Variants in ATXN10 observed in about 807,000 individuals in gnomAD.
ATXN10 encodes the protein ataxin-10.
ATXN10 carries 28 observed loss-of-function variants against 52.9 expected under a neutral mutation model. The observed-to-expected ratio is 0.53, with a 90% CI of 0.39 to 0.73. The LOEUF (loss-of-function observed/expected upper bound fraction) is 0.73, where lower values mean the gene tolerates loss of function less well. Ranked by LOEUF, ATXN10 falls within the 30% of genes least tolerant of loss-of-function variation. ATXN10 has a pLI of 0.00. For synonymous variants in ATXN10, 226 were observed against 221.5 expected (o/e 1.02, Z -0.18); for missense variants, 565 against 577.0 (o/e 0.98, Z 0.21).
Position 45,833,734 on chromosome 22 carries a change from C to T in ATXN10, c.1238-9257C>T, listed in dbSNP as rs924208029. ...GTATTTCATGTATCACAAAACCTAC[C>T]GTTCCTTGTACTGGTTTGTAGGCAT... On this transcript the variant is annotated intron_variant, in intron 10 of 11. Coordinates refer to ENST00000252934, the MANE Select transcript of ATXN10 (RefSeq NM_013236.4). This position sits in a 1 kb window ranked among gnomAD's most constrained non-coding sequence, Gnocchi z 4.3. Among the ~76,000 whole-genome samples, 3 of 152,142 alleles carry T rather than the reference C, an allele frequency of 2.0e-5. No individual in the cohort carries two copies. Among genetic ancestry groups the T allele is most frequent in the African/African-American group, 4.8e-5 (2 of 41,424 alleles).
At chr22:45,778,190 T>C (rs773003330) in intron 9 of ATXN10, among the ~76,000 whole-genome samples, 1 of 152,246 alleles carries the variant, frequency 6.6e-6, no homozygotes, top group Non-Finnish European at 1.5e-5. Context: ...AGCTGTGTTA[T>C]GCAATAGCTG....
intron 7 of ATXN10, among the ~76,000 whole-genome samples, chr22:45,736,056 T>C (rs1925282799): frequency 6.6e-6 from 1 of 152,138 alleles, no homozygotes; most frequent in Non-Finnish European, 1.5e-5. Context: ...TTCTTTTAGG[T>C]TTATTTTAGT....
At position 45,763,541 on chromosome 22, in the gene ATXN10, G is replaced by A. The variant is rs1380322316; in HGVS notation, c.1173+23003G>A. Among the ~76,000 whole-genome samples the A allele has an allele frequency of 6.6e-6, 1 of 152,106 alleles. No homozygotes were observed. On this transcript the variant is annotated intron_variant, in intron 9 of 11. Transcript: ENST00000252934. This position sits in a 1 kb window ranked among gnomAD's most constrained non-coding sequence, Gnocchi z 6.9. ...TCAGGTGTTTGCTCATCTCCTCACA[G>A]GTCTTTCCTGCCCCCTACCTGTTAA...
chr22:45,763,571 C>T lies in ATXN10; in HGVS notation c.1173+23033C>T, dbSNP rs765885121. Among the ~76,000 whole-genome samples the T allele has an allele frequency of 1.3e-5, 2 of 152,128 alleles. No homozygotes were observed. The highest frequency in any genetic ancestry group is 2.4e-5 in the African/African-American group (1 of 41,414). On this transcript the variant is annotated intron_variant, in intron 9 of 11. Transcript: ENST00000252934. The surrounding 1 kb of genome is among the most constrained non-coding windows in gnomAD (Gnocchi z 6.9). Reference sequence around the variant, plus strand: ...TTCCTGCCCCCTACCTGTTAAAAGTCGGACCCCACCACGCCCCCCACCTCT... The same window carrying T: ...TTCCTGCCCCCTACCTGTTAAAAGTTGGACCCCACCACGCCCCCCACCTCT...
In ATXN10 at chr22:45,683,254, G is replaced by T. The variant is rs922547456; in HGVS notation, c.117-6458G>T. Among the ~76,000 whole-genome samples the T allele has an allele frequency of 2.0e-5, 3 of 152,322 alleles. No individual in the cohort carries two copies. Among genetic ancestry groups the T allele is most frequent in the Non-Finnish European group, 4.4e-5 (3 of 68,022 alleles). Reference sequence around the variant, plus strand: ...GAATTGCTTGAACTTGGGAGGCGGGGGTTGCAGTGAGCTGAGATCCTGCCT... The same window carrying T: ...GAATTGCTTGAACTTGGGAGGCGGGTGTTGCAGTGAGCTGAGATCCTGCCT... On this transcript the variant is annotated intron_variant, in intron 1 of 11. Coordinates refer to ENST00000252934, the MANE Select transcript of ATXN10 (RefSeq NM_013236.4). This position sits in a 1 kb window ranked among gnomAD's most constrained non-coding sequence, Gnocchi z 4.8.
At chr22:45,806,502 C>G (rs1239630491) in intron 9 of ATXN10, among the ~76,000 whole-genome samples, 2 of 152,110 alleles carry the variant, frequency 1.3e-5, no homozygotes, top group East Asian at 1.9e-4. Flanking sequence ...TTCTCATTTG[C>G]CTTGAAAAAC....
In ATXN10 at chr22:45,749,822, T is replaced by C. The variant is rs73889603; in HGVS notation, c.1173+9284T>C. The stretch of plus-strand genomic sequence containing the variant: ...CTCAGGCAGTCCTCCTTCCTTGACC[T>C]CCCAAAGTGCTCGGATTACAGGTTT... On this transcript the variant is annotated intron_variant, in intron 9 of 11. Coordinates refer to ENST00000252934, the MANE Select transcript of ATXN10 (RefSeq NM_013236.4). 9.0e-3 allele frequency among the ~76,000 whole-genome samples: 1,371 copies of C among 152,220 alleles called. 30 individuals are homozygous for C. Among genetic ancestry groups the C allele is most frequent in the African/African-American group, 0.032 (1,317 of 41,550 alleles).
At chr22:45,692,398 C>T (rs1405180293) in intron 2 of ATXN10, among the ~76,000 whole-genome samples, 1 of 151,848 alleles carries the variant, frequency 6.6e-6, no homozygotes, top group African/African-American at 2.4e-5. Flanking sequence ...AATTTTTCTG[C>T]CTCTTCCCTT....
At chr22:45,827,835 G>A (rs748192220) in intron 10 of ATXN10, among the ~76,000 whole-genome samples, 1 of 152,172 alleles carries the variant, frequency 6.6e-6, no homozygotes, top group Non-Finnish European at 1.5e-5. Flanking sequence ...TTCTTCTCAA[G>A]TGCACAGAAG....
chr22:45,753,455 G>T (rs1926064525), intron 9 of ATXN10, among the ~76,000 whole-genome samples: 2 of 122,580 alleles, frequency 1.6e-5, no homozygotes, highest in African/African-American at 3.2e-5. Flanking sequence ...GCCCAGGCTG[G>T]AGTGCTATGG....
chr22:45,681,573 C>A lies in ATXN10; in HGVS notation c.117-8139C>A, dbSNP rs1429432971. Among the ~76,000 whole-genome samples, 1 of 152,184 alleles carries A rather than the reference C, an allele frequency of 6.6e-6. No homozygotes were observed. Among genetic ancestry groups the A allele is most frequent in the Non-Finnish European group, 1.5e-5 (1 of 68,038 alleles). ...TGTACATCCTCAACTCCACTGCCTC[C>A]TCTCTAAACTTTGTTATGTTTGCCT... is the stretch of plus-strand genomic sequence containing the variant. On this transcript the variant is annotated intron_variant, in intron 1 of 11. Coordinates refer to ENST00000252934, the MANE Select transcript of ATXN10 (RefSeq NM_013236.4). This position sits in a 1 kb window ranked among gnomAD's most constrained non-coding sequence, Gnocchi z 4.2.
intron 3 of ATXN10, among the ~76,000 whole-genome samples, chr22:45,695,848 A>G (rs1279493170): frequency 6.6e-6 from 1 of 152,152 alleles, no homozygotes; most frequent in East Asian, 1.9e-4. Flanking sequence ...TAGATAGACA[A>G]GAACTAGAGG....
At position 45,754,019 on chromosome 22, in the gene ATXN10, C is replaced by T. The variant is rs961401475; in HGVS notation, c.1173+13481C>T. Among the ~76,000 whole-genome samples the T allele has an allele frequency of 1.3e-5, 2 of 152,192 alleles. No individual in the cohort carries two copies. Among genetic ancestry groups the T allele is most frequent in the African/African-American group, 4.8e-5 (2 of 41,444 alleles). On this transcript the variant is annotated intron_variant, in intron 9 of 11. Coordinates refer to ENST00000252934, the MANE Select transcript of ATXN10 (RefSeq NM_013236.4). This position sits in a 1 kb window ranked among gnomAD's most constrained non-coding sequence, Gnocchi z 5.4. ...GTCCTAGTTGGATCCTGCATGCCTC[C>T]ACTCTTGTCTGCCTCTCTGGGTTTT...
chr22:45,819,334 A>G lies in ATXN10; in HGVS notation c.1237+12312A>G, dbSNP rs1928574939. 6.6e-6 allele frequency among the ~76,000 whole-genome samples: 1 copy of G among 152,232 alleles called. No individual in the cohort carries two copies. Among genetic ancestry groups the G allele is most frequent in the Non-Finnish European group, 1.5e-5 (1 of 68,042 alleles). On this transcript the variant is annotated intron_variant, in intron 10 of 11. Transcript: ENST00000252934. The surrounding 1 kb of genome is among the most constrained non-coding windows in gnomAD (Gnocchi z 4.5). ...AGATCATAAGCCTAAAGTAGCCTAA[A>G]GTATCAGCTCAAAATCCACATGCCT...
At chr22:45,737,206 G>A (rs1337883945) in intron 7 of ATXN10, among the ~76,000 whole-genome samples, 2 of 152,202 alleles carry the variant, frequency 1.3e-5, no homozygotes, top group African/African-American at 2.4e-5. Context: ...GCTGGCCGGT[G>A]GGAGCCTCAT....
intron 9 of ATXN10, among the ~76,000 whole-genome samples, chr22:45,743,756 C>T (rs762225032): frequency 6.6e-5 from 10 of 152,172 alleles, no homozygotes; most frequent in Non-Finnish European, 1.2e-4. Flanking sequence ...TAGTGAATTA[C>T]ATATATTATC....
In ATXN10 at chr22:45,751,873, G is replaced by C. The variant is rs1396809858; in HGVS notation, c.1173+11335G>C. On this transcript the variant is annotated intron_variant, in intron 9 of 11. Transcript: ENST00000252934. ...TTTTTTTTTTTTTTTCCTGGCAGCAGCTGAAAATTAAGAGGATCAAAGTTA... is the reference window on the plus strand; with the variant it reads ...TTTTTTTTTTTTTTTCCTGGCAGCACCTGAAAATTAAGAGGATCAAAGTTA... 5.6e-5 allele frequency among the ~76,000 whole-genome samples: 8 copies of C among 143,254 alleles called. No homozygotes were observed. The South Asian group carries it at 6.5e-4, about 12-fold the overall frequency. 94.0% of individuals were successfully genotyped at this position (143,254 alleles called of 152,430 possible). A position where few individuals can be genotyped will look rare whatever the true frequency, so the allele number is the denominator to read the frequency against.
rs1016383390 is a variant in ATXN10 at position 45,783,608 on chromosome 22, T to C, written c.1174-23351T>C. 6.6e-6 allele frequency among the ~76,000 whole-genome samples: 1 copy of C among 152,214 alleles called. No homozygotes were observed. Among genetic ancestry groups the C allele is most frequent in the Non-Finnish European group, 1.5e-5 (1 of 68,040 alleles). On this transcript the variant is annotated intron_variant, in intron 9 of 11. Coordinates refer to ENST00000252934, the MANE Select transcript of ATXN10 (RefSeq NM_013236.4). This position sits in a 1 kb window ranked among gnomAD's most constrained non-coding sequence, Gnocchi z 5.0. ...AGTGCTGGATGTGAATGGTGCTTTT[T>C]GCTTGTCTGTGGGGCCTTCTCTCTC...
intron 10 of ATXN10, among the ~76,000 whole-genome samples, chr22:45,810,385 A>G (rs541284231): frequency 1.4e-4 from 22 of 152,326 alleles, no homozygotes; most frequent in Admixed American, 6.5e-4. Context: ...TGTTAGGACC[A>G]TTTTTGGTCA....
Sources: gnomAD v4.1 joint callset for allele counts (sites outside exome capture counted in the v4.1 genomes callset) on GRCh38, gnomAD v4.1.1 for gene constraint, Gnocchi (gnomAD v3.1) non-coding constraint, MANE v1.5 for transcripts, NCBI Gene and HGNC (gene_info 2026-07-23, HGNC 2026-07-21) for gene names.